CLVS1: variants seen among roughly 807,000 people sequenced by gnomAD.
CLVS1 encodes clavesin 1.
CLVS1 carries 10 observed loss-of-function variants against 33.1 expected under a neutral mutation model. The observed-to-expected ratio is 0.30, with a 90% CI of 0.19 to 0.51. The LOEUF is 0.51. CLVS1 is among the 20% of genes least tolerant of loss of function. CLVS1 has a pLI of 0.97. For synonymous variants in CLVS1, 163 were observed against 166.1 expected (o/e 0.98, Z 0.14); for missense variants, 343 against 433.4 (o/e 0.79, Z 1.85).
intron 2 of CLVS1, among the ~76,000 whole-genome samples, chr8:61,278,445 G>T (rs141729489): frequency 6.6e-6 from 1 of 152,108 alleles, no homozygotes; most frequent in Non-Finnish European, 1.5e-5. Flanking sequence ...AAGGATCCTC[G>T]TATAGATGTG....
intron 3 of CLVS1, among the ~76,000 whole-genome samples, chr8:61,407,314 G>A (rs1815032388): frequency 1.3e-5 from 2 of 152,194 alleles, no homozygotes; most frequent in Non-Finnish European, 2.9e-5. Context: ...ATGTGTTCAA[G>A]AAGGAAAGTG....
At chr8:60,972,211 A>G in the CLVS1 span, among the ~76,000 whole-genome samples, 1 of 152,110 alleles carries the variant, frequency 6.6e-6, no homozygotes, top group South Asian at 2.1e-4. Context: ...TGGTGGTCTC[A>G]GTGTGGTCAT....
At chr8:61,171,459 G>T (rs549668514) in intron 2 of CLVS1, among the ~76,000 whole-genome samples, 2 of 152,254 alleles carry the variant, frequency 1.3e-5, no homozygotes, top group South Asian at 4.1e-4. Flanking sequence ...ATTTCAGGAA[G>T]TGATCAGAAT....
intron 5 of CLVS1, among the ~76,000 whole-genome samples, chr8:61,466,356 C>G (rs1367392785): frequency 4.6e-5 from 7 of 152,132 alleles, no homozygotes; most frequent in African/African-American, 1.7e-4. Context: ...ACTTCTCAGG[C>G]AGGGGCTGAT....
chr8:61,235,523 G>C (rs934309105), intron 2 of CLVS1, among the ~76,000 whole-genome samples: 2 of 152,138 alleles, frequency 1.3e-5, no homozygotes, highest in Admixed American at 6.5e-5. Flanking sequence ...AGCCCAACTT[G>C]CCACTTCATT....
At chr8:61,450,404 T>C (rs80291666) in intron 3 of CLVS1, among the ~76,000 whole-genome samples, 9,653 of 152,252 alleles carry the variant, frequency 0.063, 400 homozygotes, top group Non-Finnish European at 0.087. Flanking sequence ...TAAAATGATA[T>C]TGCCATAAAA....
At chr8:61,477,906 G>A (rs543888459) in intron 5 of CLVS1, among the ~76,000 whole-genome samples, 1 of 152,148 alleles carries the variant, frequency 6.6e-6, no homozygotes, top group Non-Finnish European at 1.5e-5. Context: ...GTCAATTTTA[G>A]ATCTTTTCTG....
intron 1 of CLVS1, among the ~76,000 whole-genome samples, chr8:61,130,298 G>C (rs1021407367): frequency 1.3e-5 from 2 of 148,628 alleles, no homozygotes; most frequent in African/African-American, 5.0e-5. Context: ...TTAAAAAAAG[G>C]AGTTAAAAAG....
chr8:61,073,366 T>G (rs1161217945), intron 1 of CLVS1, among the ~76,000 whole-genome samples: 2 of 152,350 alleles, frequency 1.3e-5, no homozygotes, highest in Non-Finnish European at 2.9e-5. Context: ...TTTCATTGGC[T>G]TTTTCTAATA....
intron 3 of CLVS1, among the ~76,000 whole-genome samples, chr8:61,411,143 G>T (rs1424793422): frequency 6.6e-6 from 1 of 152,156 alleles, no homozygotes; most frequent in East Asian, 1.9e-4. Context: ...TTAAGTTTTT[G>T]TAGATTCACT....
intron 5 of CLVS1, among the ~76,000 whole-genome samples, chr8:61,480,769 GA>G (rs1396066401): frequency 6.6e-6 from 1 of 152,090 alleles, no homozygotes; most frequent in African/African-American, 2.4e-5. Flanking sequence ...CTAGGGTACA[GA>G]AGGGTTTTTA....
chr8:61,380,588 A>T (rs1813832223), intron 3 of CLVS1, among the ~76,000 whole-genome samples: 1 of 152,084 alleles, frequency 6.6e-6, no homozygotes, highest in Admixed American at 6.6e-5. Flanking sequence ...CTTGAAAGTC[A>T]TATACTCCTG....
chr8:61,454,652 A>T (rs1391571501), intron 4 of CLVS1, among the ~76,000 whole-genome samples: 4 of 152,226 alleles, frequency 2.6e-5, no homozygotes, highest in Non-Finnish European at 5.9e-5. Context: ...TCTTCCTCCC[A>T]TAACTTTGGG....
intron 2 of CLVS1, among the ~76,000 whole-genome samples, chr8:61,194,016 T>A (rs7840205): frequency 0.75 from 114,028 of 151,866 alleles, 43,702 homozygotes; most frequent in Middle Eastern, 0.9. Flanking sequence ...TGTGAAAGTT[T>A]CATATATATG....
intron 2 of CLVS1, among the ~76,000 whole-genome samples, chr8:61,360,175 C>T (rs1024382516): frequency 2.6e-5 from 4 of 152,164 alleles, no homozygotes; most frequent in African/African-American, 7.2e-5. Flanking sequence ...AAGAACACAC[C>T]TTTCCCACTG....
chr8:61,401,530 A>G (rs1474091831), intron 3 of CLVS1, among the ~76,000 whole-genome samples: 23 of 152,188 alleles, frequency 1.5e-4, no homozygotes, highest in Non-Finnish European at 1.5e-5. Context: ...AAGGTGAACT[A>G]CAAACCACTG....
rs543824984 is a variant in CLVS1 at position 61,353,188 on chromosome 8, A to C, written c.456-23417A>C. On this transcript the variant is annotated intron_variant, in intron 2 of 5. Coordinates refer to ENST00000325897, the MANE Select transcript of CLVS1 (RefSeq NM_173519.3). The stretch of plus-strand genomic sequence containing the variant: ...ACAGAAGATTTGAACAACGCAATCA[A>C]CCAACAGGATCTAATTGACATTTAT... Among the ~76,000 whole-genome samples, 262 of 152,146 alleles carry C rather than the reference A, an allele frequency of 1.7e-3. 2 individuals are homozygous for C. Among genetic ancestry groups the C allele is most frequent in the African/African-American group, 6.1e-3 (252 of 41,564 alleles).
chr8:61,312,869 A>G (rs1162410830), intron 2 of CLVS1, among the ~76,000 whole-genome samples: 2 of 152,190 alleles, frequency 1.3e-5, no homozygotes, highest in African/African-American at 4.8e-5. Context: ...TTAATCTCTG[A>G]TGACTCACAA....
Position 61,332,974 on chromosome 8 carries a change from A to G in CLVS1, c.455+32692A>G, listed in dbSNP as rs554808454. Among the ~76,000 whole-genome samples the G allele has an allele frequency of 2.0e-5, 3 of 152,308 alleles. No individual in the cohort carries two copies. In the East Asian group the frequency reaches 5.8e-4, roughly 29 times the overall value. On this transcript the variant is annotated intron_variant, in intron 2 of 5. Transcript: ENST00000325897. ...TCATCTTCCATCTTCATGTATAAAG[A>G]GAATCTCTACCAACCTTTATTTAGT...
Sources: allele counts gnomAD v4.1 joint callset (sites outside exome capture counted in the v4.1 genomes callset), GRCh38; gene constraint gnomAD v4.1.1; transcripts MANE v1.5; gene names NCBI Gene and HGNC (gene_info 2026-07-23, HGNC 2026-07-21).